The following PRELID2 variants were observed in gnomAD, a reference collection of about 807,000 sequenced individuals.
The protein encoded by PRELID2 is PRELI domain containing 2.
PRELID2 carries 25 observed loss-of-function variants against 28.4 expected under a neutral mutation model. That is an observed-to-expected ratio of 0.88 (90% confidence interval 0.64 to 1.23). The LOEUF (loss-of-function observed/expected upper bound fraction) is 1.23, where lower values mean the gene tolerates loss of function less well. PRELID2 is among the 50% of genes most tolerant of loss of function. PRELID2 has a pLI of 0.00. For missense variants in PRELID2, 201 were observed against 214.4 expected (o/e 0.94, Z 0.39); for synonymous variants, 76 against 71.6 (o/e 1.06, Z -0.31).
the PRELID2 span, among the ~76,000 whole-genome samples, chr5:145,330,980 T>C: frequency 6.6e-6 from 1 of 152,212 alleles, no homozygotes; most frequent in African/African-American, 2.4e-5. Context: ...TGTGATTTTG[T>C]TCTCATGGGT....
intron 1 of PRELID2, among the ~76,000 whole-genome samples, chr5:145,710,886 G>C (rs1281636132): frequency 6.6e-6 from 1 of 152,218 alleles, no homozygotes; most frequent in Non-Finnish European, 1.5e-5. Flanking sequence ...CTCTGCAAGG[G>C]AGGTTGAGGA....
chr5:145,237,678 C>G, the PRELID2 span, among the ~76,000 whole-genome samples: 1 of 152,078 alleles, frequency 6.6e-6, no homozygotes, highest in Non-Finnish European at 1.5e-5. Flanking sequence ...TCTAAAGATT[C>G]ATTCCCTCTC....
At chr5:145,230,570 C>A in the PRELID2 span, among the ~76,000 whole-genome samples, 1 of 151,688 alleles carries the variant, frequency 6.6e-6, no homozygotes, top group Non-Finnish European at 1.5e-5. Flanking sequence ...CAGAGCGAGA[C>A]TCTGTCTCAA....
chr5:145,721,008 T>G (rs1310982907), intron 1 of PRELID2, among the ~76,000 whole-genome samples: 3 of 152,136 alleles, frequency 2.0e-5, no homozygotes, highest in African/African-American at 7.2e-5. Flanking sequence ...AAATATTTTT[T>G]ATTTTAAAAT....
intron 5 of PRELID2, among the ~76,000 whole-genome samples, chr5:145,792,845 C>T (rs1373501655): frequency 6.6e-6 from 1 of 152,176 alleles, no homozygotes; most frequent in East Asian, 1.9e-4. Context: ...TACTAAGTTA[C>T]AGAAAGTTAT....
intron 1 of PRELID2, among the ~76,000 whole-genome samples, chr5:145,598,003 T>C (rs1430058046): frequency 1.3e-5 from 2 of 152,230 alleles, no homozygotes; most frequent in South Asian, 2.1e-4. Context: ...AAAGCAATAC[T>C]TGGGCTTCAG....
chr5:145,311,265 A>C, the PRELID2 span, among the ~76,000 whole-genome samples: 1 of 152,162 alleles, frequency 6.6e-6, no homozygotes, highest in Non-Finnish European at 1.5e-5. Context: ...CAGGGAAGGG[A>C]GGTGCTAGAG....
intron 1 of PRELID2, among the ~76,000 whole-genome samples, chr5:145,834,339 T>C (rs558405625): frequency 6.7e-6 from 1 of 149,190 alleles, no homozygotes; most frequent in South Asian, 2.1e-4. Context: ...AGGCATTTTG[T>C]TCCTGACCAG....
At chr5:145,295,699 T>C in the PRELID2 span, among the ~76,000 whole-genome samples, 1 of 152,180 alleles carries the variant, frequency 6.6e-6, no homozygotes. Context: ...ACAGATGTTC[T>C]AACTGAAAAC....
intron 6 of PRELID2, among the ~76,000 whole-genome samples, chr5:145,764,257 G>A (rs1300363513): frequency 6.6e-6 from 1 of 152,104 alleles, no homozygotes; most frequent in Non-Finnish European, 1.5e-5. Flanking sequence ...TTAGGAGGTG[G>A]GGGTAGGGAG....
the PRELID2 span, among the ~76,000 whole-genome samples, chr5:145,256,130 C>T: frequency 1.1e-4 from 16 of 151,762 alleles, no homozygotes; most frequent in Non-Finnish European, 1.9e-4. Context: ...TTATTTTCTG[C>T]AGGCCATAAA....
intron 1 of PRELID2, among the ~76,000 whole-genome samples, chr5:145,744,499 A>C (rs1437753183): frequency 6.6e-6 from 1 of 152,228 alleles, no homozygotes; most frequent in Admixed American, 6.5e-5. Context: ...AAGAAAAAGC[A>C]GCACCCATCT....
the PRELID2 span, among the ~76,000 whole-genome samples, chr5:145,375,647 G>C: frequency 6.6e-6 from 1 of 152,196 alleles, no homozygotes; most frequent in Non-Finnish European, 1.5e-5. Context: ...AGGGAGATCT[G>C]GGTTCTGTCC....
chr5:145,789,942 G>A lies in PRELID2; in HGVS notation c.474+6500C>T, dbSNP rs565473711. Among the ~76,000 whole-genome samples the A allele has an allele frequency of 7.2e-5, 11 of 152,256 alleles. No homozygotes were observed. The South Asian group carries it at 1.7e-3, about 23-fold the overall frequency. On this transcript the variant is annotated intron_variant, in intron 5 of 6. Coordinates refer to ENST00000683046, the MANE Select transcript of PRELID2 (RefSeq NM_205846.3). ...GAGAAATGTAAATTAAAACCACAAT[G>A]AGATATCACCTCATACTTGTTACAA... is the stretch of plus-strand genomic sequence containing the variant.
At chr5:145,492,402 A>G (rs1412198057) in intron 1 of PRELID2, among the ~76,000 whole-genome samples, 1 of 143,208 alleles carries the variant, frequency 7.0e-6, no homozygotes, top group African/African-American at 2.5e-5. Context: ...TAAATTCCTT[A>G]TATATTTTGG....
the PRELID2 span, among the ~76,000 whole-genome samples, chr5:145,460,878 T>A: frequency 0.025 from 3,868 of 152,364 alleles, 159 homozygotes; most frequent in African/African-American, 0.086. Flanking sequence ...TTAAATAAAC[T>A]ATTTCAAAGA....
At chr5:145,239,172 A>G in the PRELID2 span, among the ~76,000 whole-genome samples, 6 of 152,216 alleles carry the variant, frequency 3.9e-5, no homozygotes, top group African/African-American at 4.8e-5. Flanking sequence ...TTCTTCAGCT[A>G]TCTCATTAAA....
intron 4 of PRELID2, among the ~76,000 whole-genome samples, chr5:145,816,076 CTTTTTTTT>C (rs1191298938): frequency 3.4e-5 from 3 of 89,048 alleles, no homozygotes; most frequent in South Asian, 3.8e-4. Context: ...TATTGTGTGT[CTTTTTTTT>C]TTTTTTTTTT....
the PRELID2 span, among the ~76,000 whole-genome samples, chr5:145,403,828 C>G: frequency 6.6e-6 from 1 of 152,166 alleles, no homozygotes; most frequent in Non-Finnish European, 1.5e-5. Context: ...GACTCAAAAT[C>G]TATATGTAAT....
Sources: gnomAD v4.1 joint callset for allele counts (sites outside exome capture counted in the v4.1 genomes callset) on GRCh38, gnomAD v4.1.1 for gene constraint, MANE v1.5 for transcripts, NCBI Gene and HGNC (gene_info 2026-07-23, HGNC 2026-07-21) for gene names.